APBA1: variants seen among roughly 807,000 people sequenced by gnomAD.
APBA1 encodes amyloid beta precursor protein binding family A member 1, also known as amyloid-beta A4 precursor protein-binding family A member 1.
In APBA1, 55 loss-of-function variants were observed where a neutral mutation model predicts 86.6. That is an observed-to-expected ratio of 0.64 (90% CI 0.51 to 0.80). APBA1 has a LOEUF of 0.80. Ranked by LOEUF, APBA1 falls within the 30% of genes least tolerant of loss-of-function variation. The pLI is 0.00. For synonymous variants in APBA1, 511 were observed against 493.9 expected, an observed-to-expected ratio of 1.03 and a Z score of -0.46; for missense variants, 1,090 against 1,183.0, an observed-to-expected ratio of 0.92 and a Z score of 1.15.
At chr9:69,550,932 T>C (rs763647899) in intron 1 of APBA1, among the ~76,000 whole-genome samples, 1 of 152,190 alleles carries the variant, frequency 6.6e-6, no homozygotes, top group Non-Finnish European at 1.5e-5. Flanking sequence ...TACATAGATA[T>C]GTATAAACAT....
rs1834535890 is a variant in APBA1 at position 69,428,831 on chromosome 9, G to A, written c.*2496C>T. 1 of 152,186 alleles carries A rather than the reference G, an allele frequency of 6.6e-6. No individual in the cohort carries two copies. The highest frequency in any genetic ancestry group is 1.5e-5 in the Non-Finnish European group (1 of 68,038). 9.4% of individuals were successfully genotyped at this position (152,186 alleles called of 1,614,324 possible). ...CTTCAGCTGGGTGGACCTGTACCGAGCTCCAGCAACTTCCACTCACTGGGT... is the reference window on the plus strand; with the variant it reads ...CTTCAGCTGGGTGGACCTGTACCGAACTCCAGCAACTTCCACTCACTGGGT... On this transcript the variant is annotated 3_prime_UTR_variant, in exon 13 of 13. Transcript: ENST00000265381.
chr9:69,516,686 G>T lies in APBA1; in HGVS notation c.525C>A (p.Phe175Leu). 1 of 1,610,462 alleles carries T rather than the reference G, an allele frequency of 6.2e-7. No individual in the cohort carries two copies. The highest frequency in any genetic ancestry group is 8.5e-7 in the Non-Finnish European group (1 of 1,179,062). The part of the protein sequence containing the change: ...YSGYVYTHRL[F>L]HRGEDEPYSE... ...AGTAGGGCTCGTCCTCACCGCGGTG[G>T]AAGAGCCGGTGCGTGTAGACGTAGC... is the stretch of plus-strand genomic sequence containing the variant. Residue 175 changes from phenylalanine (F) to leucine (L), a missense_variant, in exon 2 of 13, where the codon TTC becomes TTA. Physicochemically the swap from Phe to Leu is conservative, Grantham distance 22. Around this residue, in one of 6 missense-constraint regions of APBA1, gnomAD observed 678 missense variants for 647.1 expected, o/e 1.05. Coordinates refer to ENST00000265381, the MANE Select transcript of APBA1 (RefSeq NM_001163.4). This position sits in a 1 kb window ranked among gnomAD's most constrained non-coding sequence, Gnocchi z 7.3.
intron 1 of APBA1, among the ~76,000 whole-genome samples, chr9:69,620,345 G>A (rs1822791356): frequency 6.6e-6 from 1 of 152,230 alleles, no homozygotes; most frequent in Non-Finnish European, 1.5e-5. Flanking sequence ...TGGCCAGCAT[G>A]CCAGTGAGGT....
At chr9:69,654,321 C>G (rs1187360200) in intron 1 of APBA1, among the ~76,000 whole-genome samples, 3 of 151,970 alleles carry the variant, frequency 2.0e-5, no homozygotes, top group African/African-American at 7.3e-5. Context: ...GAGAGAAGAT[C>G]AGGTGCGGTG....
chr9:69,432,367 C>A (rs1254804400), intron 12 of APBA1, among the ~76,000 whole-genome samples, 169 bp downstream of exon 12: 1 of 152,146 alleles, frequency 6.6e-6, no homozygotes, highest in Admixed American at 6.5e-5. Context: ...TAACTGCTTG[C>A]TAATGGGTTT....
intron 1 of APBA1, among the ~76,000 whole-genome samples, chr9:69,646,448 G>A (rs181035805): frequency 6.6e-6 from 1 of 152,134 alleles, no homozygotes; most frequent in Non-Finnish European, 1.5e-5. Flanking sequence ...TCCTTGCCTT[G>A]GTCTGATGTT....
chr9:69,434,630 C>G (rs533454835), intron 11 of APBA1, among the ~76,000 whole-genome samples: 93 of 151,468 alleles, frequency 6.1e-4, no homozygotes, highest in African/African-American at 1.7e-3. Context: ...TCCCTTGAAC[C>G]CAGGAGGTGG....
intron 1 of APBA1, among the ~76,000 whole-genome samples, chr9:69,667,226 T>C (rs1312037529): frequency 6.6e-6 from 1 of 152,220 alleles, no homozygotes; most frequent in Non-Finnish European, 1.5e-5. Context: ...TTTTACTGCA[T>C]TTAAGGGAAT....
At chr9:69,528,047 A>G (rs1279308781) in intron 1 of APBA1, among the ~76,000 whole-genome samples, 3 of 152,166 alleles carry the variant, frequency 2.0e-5, no homozygotes, top group Non-Finnish European at 4.4e-5. Flanking sequence ...ATAAGCTCTG[A>G]AGTTAATTCC....
intron 1 of APBA1, among the ~76,000 whole-genome samples, chr9:69,662,394 G>A (rs981012041): frequency 2.6e-5 from 4 of 152,138 alleles, no homozygotes; most frequent in African/African-American, 9.7e-5. Context: ...TCACTGGATG[G>A]GGAATCTGCT....
At chr9:69,538,909 G>A (rs1157598492) in intron 1 of APBA1, among the ~76,000 whole-genome samples, 4 of 152,262 alleles carry the variant, frequency 2.6e-5, no homozygotes, top group Non-Finnish European at 4.4e-5. Context: ...TTTTGTCTGG[G>A]TCACCAGTGA....
intron 1 of APBA1, among the ~76,000 whole-genome samples, chr9:69,648,903 T>C (rs1280893814): frequency 6.6e-6 from 1 of 152,206 alleles, no homozygotes; most frequent in Non-Finnish European, 1.5e-5. Context: ...ATGTCTTATC[T>C]GTTTCCCTTT....
chr9:69,600,806 T>TAAATAAATAAATAAATAAATA (rs556966097), intron 1 of APBA1, among the ~76,000 whole-genome samples: 30 of 143,684 alleles, frequency 2.1e-4, no homozygotes, highest in African/African-American at 7.7e-4. Context: ...CAAAAAATAA[T>TAAATAAATAAATAAATAAATA]AATAAATAAA....
At chr9:69,463,436 A>T (rs1270257163) in intron 5 of APBA1, 1 of 152,212 alleles carries the variant, frequency 6.6e-6, no homozygotes, top group East Asian at 1.9e-4. Flanking sequence ...GAATCTTGTA[A>T]ATTTTTTGTT....
chr9:69,517,525 C>G (rs574833793), intron 1 of APBA1, among the ~76,000 whole-genome samples: 27 of 150,586 alleles, frequency 1.8e-4, no homozygotes, highest in African/African-American at 6.8e-4. Flanking sequence ...CTGAGCGCCT[C>G]AGGAACGTTT....
chr9:69,608,753 A>C (rs952782499), intron 1 of APBA1, among the ~76,000 whole-genome samples: 1 of 152,164 alleles, frequency 6.6e-6, no homozygotes, highest in African/African-American at 2.4e-5. Flanking sequence ...ACCCATACTG[A>C]GAAGTTGGTT....
rs1255449698 is a variant in APBA1 at position 69,658,306 on chromosome 9, CTTTCTTTCTTTCTTTCTT to C, written c.-70+13829_-70+13846del. ...TTTCTCTCTCTCTTTCTCTCTCTCTCTTTCTTTCTTTCTTTCTTTCTTTCTTTCTTTCTTTCTTTCTTT... is the reference window on the plus strand; with the variant it reads ...TTTCTCTCTCTCTTTCTCTCTCTCTCTCTTTCTTTCTTTCTTTCTTTCTTT... On this transcript the variant is annotated intron_variant, in intron 1 of 12. Transcript: ENST00000265381. Among the ~76,000 whole-genome samples, 224 of 70,934 alleles carry C rather than the reference CTTTCTTTCTTTCTTTCTT, an allele frequency of 3.2e-3. 2 individuals carry two copies. The highest frequency in any genetic ancestry group is 7.3e-3 in the African/African-American group (185 of 25,260). The allele number at this position is 70,934 out of a possible 152,430, so 46.5% of individuals were successfully genotyped here.
intron 1 of APBA1, among the ~76,000 whole-genome samples, chr9:69,604,963 G>A (rs951533962): frequency 2.0e-5 from 3 of 152,202 alleles, no homozygotes; most frequent in Admixed American, 6.5e-5. Context: ...TGACAAGGAA[G>A]GAAGAGGTTG....
At chr9:69,558,818 G>T (rs1427416823) in intron 1 of APBA1, among the ~76,000 whole-genome samples, 1 of 151,810 alleles carries the variant, frequency 6.6e-6, no homozygotes, top group Non-Finnish European at 1.5e-5. Flanking sequence ...ATTACAAGTG[G>T]CAACATACAG....
Sources: allele counts gnomAD v4.1 joint callset (sites outside exome capture counted in the v4.1 genomes callset), GRCh38; gene constraint gnomAD v4.1.1; regional missense constraint gnomAD v4.1.1; non-coding constraint Gnocchi (gnomAD v3.1); transcripts MANE v1.5; gene names NCBI Gene and HGNC (gene_info 2026-07-23, HGNC 2026-07-21).